The following NDUFA6 variants were observed in gnomAD, a reference collection of about 807,000 sequenced individuals.
The protein encoded by NDUFA6 is NADH:ubiquinone oxidoreductase subunit A6, also known as NADH dehydrogenase [ubiquinone] 1 alpha subcomplex subunit 6.
In NDUFA6, 10 loss-of-function variants were observed where a neutral mutation model predicts 12.5. That is an observed-to-expected ratio of 0.80 (90% CI 0.49 to 1.35). The LOEUF (loss-of-function observed/expected upper bound fraction) is 1.35. Among genes scored for constraint, NDUFA6 ranks in the 40% most tolerant of loss-of-function variants. The pLI, the probability that NDUFA6 is intolerant of heterozygous loss-of-function variation, is 0.00. For missense variants in NDUFA6, 177 were observed against 173.5 expected, an observed-to-expected ratio of 1.02 and a Z score of -0.11; for synonymous variants, 66 against 63.0, an observed-to-expected ratio of 1.05 and a Z score of -0.23.
intron 2 of NDUFA6, 41 bp from the exon 3 acceptor site, chr22:42,086,355 G>A: frequency 6.2e-7 from 1 of 1,613,548 alleles, no homozygotes; most frequent in Non-Finnish European, 8.5e-7. Context: ...AAGTTGTCAA[G>A]TTGAAGGCAT....
chr22:42,088,137 G>A (rs1403873476), intron 1 of NDUFA6, among the ~76,000 whole-genome samples: 1 of 150,268 alleles, frequency 6.7e-6, no homozygotes, highest in East Asian at 2.0e-4. Flanking sequence ...GCTGGGCGCG[G>A]TGGCTCACGC....
intron 1 of NDUFA6, among the ~76,000 whole-genome samples, chr22:42,088,018 G>C (rs1400711262): frequency 6.8e-6 from 1 of 147,582 alleles, no homozygotes; most frequent in Non-Finnish European, 1.5e-5. Flanking sequence ...TGAGGCAGGA[G>C]AATCACTTGA....
chr22:42,090,419 G>C (rs1386501135), intron 1 of NDUFA6, among the ~76,000 whole-genome samples, 187 bp downstream of exon 1: 2 of 152,222 alleles, frequency 1.3e-5, no homozygotes, highest in African/African-American at 2.4e-5. Flanking sequence ...GGCACGGCCG[G>C]TCTGACCACC....
intron 1 of NDUFA6, 59 bp downstream of exon 1, chr22:42,090,547 G>C: frequency 6.3e-7 from 1 of 1,598,596 alleles, no homozygotes; most frequent in Non-Finnish European, 8.6e-7. Context: ...ACCCCGGCCG[G>C]GCCGGCTACG....
At chr22:42,086,379 C>T in intron 2 of NDUFA6, 65 bp from the exon 3 acceptor site, 1 of 1,598,790 alleles carries the variant, frequency 6.3e-7, no homozygotes, top group Non-Finnish European at 8.6e-7. Context: ...ACACTGAAGG[C>T]CAGGATTCTA....
At chr22:42,089,322 C>A (rs1345194501) in intron 1 of NDUFA6, among the ~76,000 whole-genome samples, 1 of 94,918 alleles carries the variant, frequency 1.1e-5, no homozygotes, top group Non-Finnish European at 1.9e-5. Flanking sequence ...AATGCACCAC[C>A]CCGAAACACA....
In NDUFA6 at chr22:42,086,247, T is replaced by C. The variant is rs1344786479; in HGVS notation, c.323A>G (p.His108Arg). Reference protein sequence around the residue: ...KQRTHVMRFFHETEAPRPKDF... With the variant: ...KQRTHVMRFFRETEAPRPKDF... The stretch of plus-strand genomic sequence containing the variant: ...CTTTGGCCTTGGCGCTTCTGTTTCA[T>C]GGAAGAACCGCATAACATGTGTCCG... The change falls in exon 3 of 3, where the codon CAT (histidine) becomes CGT (arginine). Residue 108 changes from histidine (H) to arginine (R), a missense_variant. This residue lies in a region of NDUFA6 where 62 missense variants were observed against 69.4 expected (regional missense o/e 0.89). Coordinates refer to ENST00000498737, the MANE Select transcript of NDUFA6 (RefSeq NM_002490.6). The C allele has an allele frequency of 1.9e-6, 3 of 1,614,148 alleles. No homozygotes were observed. The African/African-American group carries it at 4.0e-5, about 22-fold the overall frequency.
At chr22:42,086,465 G>T in intron 2 of NDUFA6, 151 bp from the exon 3 acceptor site, 1 of 953,400 alleles carries the variant, frequency 1.0e-6, no homozygotes, top group Non-Finnish European at 1.7e-6. Flanking sequence ...TCTATGTCTG[G>T]ACAATGAGGT....
chr22:42,090,541 C>G, intron 1 of NDUFA6, 65 bp downstream of exon 1: 1 of 1,593,300 alleles, frequency 6.3e-7, no homozygotes, highest in Non-Finnish European at 8.6e-7. Flanking sequence ...TGAGAAACCC[C>G]GGCCGGGCCG....
intron 1 of NDUFA6, among the ~76,000 whole-genome samples, chr22:42,088,457 C>T (rs895600790): frequency 5.3e-5 from 8 of 152,024 alleles, no homozygotes; most frequent in African/African-American, 1.4e-4. Context: ...CGGTGGCTCA[C>T]GCCTGTAATC....
chr22:42,090,615 G>C lies in NDUFA6; in HGVS notation c.130C>G (p.Pro44Ala). 6.2e-7 allele frequency: 1 copy of C among 1,613,802 alleles called. No homozygotes were observed. The part of the protein sequence containing the change: ...ELYRAWYREV[P>A]NTVHQFQLDI... ...AGCCGCTACCTCTCACCAGTGTTCG[G>C]CACCTCCCGATACCAGGCGCGGTAG... is the stretch of plus-strand genomic sequence containing the variant. Residue 44 changes from proline to alanine, a missense_variant, in exon 1 of 3, where the codon CCG (proline) becomes GCG (alanine). Pro to Ala is a conservative substitution (Grantham distance 27, BLOSUM62 -1). This residue lies in a region of NDUFA6 where 111 missense variants were observed against 87.2 expected (regional missense o/e 1.27). Coordinates refer to ENST00000498737, the MANE Select transcript of NDUFA6 (RefSeq NM_002490.6).
Position 42,090,652 on chromosome 22 carries a change from C to T in NDUFA6, c.93G>A (p.Arg31=), listed in dbSNP as rs1221896159. Residue 31 remains arginine, a synonymous_variant, in exon 1 of 3, where the codon AGG becomes AGA. Coordinates refer to ENST00000498737, the MANE Select transcript of NDUFA6 (RefSeq NM_002490.6). Reference sequence around the variant, plus strand: ...ACCAGGCGCGGTAGAGCTCGCGCACCCTCCGCTTGGCCTCGTTCATGTCCC... The same window carrying T: ...ACCAGGCGCGGTAGAGCTCGCGCACTCTCCGCTTGGCCTCGTTCATGTCCC... The part of the protein sequence containing the change: ...FSRDMNEAKR[R]VRELYRAWYR... The T allele has an allele frequency of 3.7e-6, 6 of 1,614,042 alleles. No individual in the cohort carries two copies. Among genetic ancestry groups the T allele is most frequent in the Non-Finnish European group, 4.2e-6 (5 of 1,180,052 alleles).
In NDUFA6 at chr22:42,086,207, CT is replaced by C. The variant is rs1393848019; in HGVS notation, c.362del (p.Lys121SerfsTer18). 23 of 1,614,116 alleles carry C rather than the reference CT, an allele frequency of 1.4e-5. No homozygotes were observed. The highest frequency in any genetic ancestry group is 6.7e-5 in the African/African-American group (5 of 74,932). ...EAPRPKDFLS[K>X]FYVGHDP is the part of the protein sequence containing the mutation. ...TTCATGGATCGTGGCCAACATAGAA[CT>C]TGGATAGGAAATCCTTTGGCCTTGG... On this transcript the variant is annotated frameshift_variant, in exon 3 of 3. Transcript: ENST00000498737. LOFTEE classifies it high-confidence loss of function.
intron 1 of NDUFA6, among the ~76,000 whole-genome samples, chr22:42,088,448 G>A (rs1459503319): frequency 6.6e-6 from 1 of 151,740 alleles, no homozygotes; most frequent in Non-Finnish European, 1.5e-5. Flanking sequence ...AGCTGGGCGC[G>A]GTGGCTCACG....
At chr22:42,087,662 T>G (rs1928341168) in intron 1 of NDUFA6, among the ~76,000 whole-genome samples, 1 of 147,220 alleles carries the variant, frequency 6.8e-6, no homozygotes. Flanking sequence ...ATTAGCCGGG[T>G]GTGGTGGTGG....
At position 42,090,142 on chromosome 22, in the gene NDUFA6, G is replaced by A. The variant is rs550463509; in HGVS notation, c.139+464C>T. On this transcript the variant is annotated intron_variant, in intron 1 of 2. Coordinates refer to ENST00000498737, the MANE Select transcript of NDUFA6 (RefSeq NM_002490.6). Reference sequence around the variant, plus strand: ...GCGGAGCTTGCAGTGAGCCGAGATCGCACCACTGCACTCCAGCCTGAGCGA... The same window carrying A: ...GCGGAGCTTGCAGTGAGCCGAGATCACACCACTGCACTCCAGCCTGAGCGA... The A allele has an allele frequency of 1.3e-3, 275 of 213,560 alleles. 3 individuals are homozygous for A. The South Asian group carries it at 0.017, about 13-fold the overall frequency. 13.2% of individuals were successfully genotyped at this position (213,560 alleles called of 1,614,324 possible).
At chr22:42,086,337 A>G in intron 2 of NDUFA6, 23 bp from the exon 3 acceptor site, 1 of 1,614,184 alleles carries the variant, frequency 6.2e-7, no homozygotes, top group Non-Finnish European at 8.5e-7. Context: ...GAGAGAGGTC[A>G]TCAGTCAAAG....
intron 1 of NDUFA6, among the ~76,000 whole-genome samples, chr22:42,087,974 G>A (rs1486517068): frequency 6.6e-6 from 1 of 150,992 alleles, no homozygotes; most frequent in Admixed American, 6.6e-5. Flanking sequence ...CGGGCATGGT[G>A]GTGGGTGCCT....
chr22:42,087,465 C>T (rs995839312), intron 1 of NDUFA6: 4 of 434,038 alleles, frequency 9.2e-6, no homozygotes, highest in Non-Finnish European at 1.7e-5. Context: ...GCTATATGAT[C>T]CCGTGTAAGT....
Sources: gnomAD v4.1 joint callset for allele counts (sites outside exome capture counted in the v4.1 genomes callset) on GRCh38, gnomAD v4.1.1 for gene constraint, gnomAD v4.1.1 regional missense constraint, MANE v1.5 for transcripts, NCBI Gene and HGNC (gene_info 2026-07-23, HGNC 2026-07-21) for gene names.